TRIP12: variants seen among roughly 807,000 people sequenced by gnomAD.
The protein encoded by TRIP12 is E3 ubiquitin-protein ligase TRIP12.
A neutral mutation model predicts 244.2 loss-of-function variants in TRIP12; 25 were observed. The ratio of observed to expected loss-of-function variants is 0.10; its 90% CI spans 0.07 to 0.14. The LOEUF (loss-of-function observed/expected upper bound fraction) is 0.14. TRIP12 is among the 10% of genes least tolerant of loss of function. The pLI is 1.00. For missense variants in TRIP12, 1,677 were observed against 2,486.4 expected (o/e 0.67, Z 6.92); for synonymous variants, 905 against 873.1 (o/e 1.04, Z -0.64).
In TRIP12 at chr2:229,859,099, T is replaced by C. The variant is rs1167776833; in HGVS notation, c.700A>G (p.Thr234Ala). 1 of 1,614,224 alleles carries C rather than the reference T, an allele frequency of 6.2e-7. No homozygotes were observed. The highest frequency in any genetic ancestry group is 1.1e-5 in the South Asian group (1 of 91,090). The change falls in exon 4 of 42, where the codon ACC becomes GCC. Residue 234 changes from threonine to alanine, a missense_variant. Thr to Ala is a moderately conservative substitution (Grantham distance 58). Coordinates refer to ENST00000675903, the MANE Select transcript of TRIP12 (RefSeq NM_001348323.3). ...SATSAKAGCS[T>A]ITDSSSAAST... is the part of the protein sequence containing the mutation. Reference sequence around the variant, plus strand: ...GCAGCAGAAGAAGAATCAGTGATGGTGCTACACCCAGCTTTGGCTGAGGTG... The same window carrying C: ...GCAGCAGAAGAAGAATCAGTGATGGCGCTACACCCAGCTTTGGCTGAGGTG...
intron 1 of TRIP12, 107 bp from the exon 2 acceptor site, chr2:229,880,235 AT>A: frequency 2.9e-6 from 2 of 679,514 alleles, no homozygotes; most frequent in Non-Finnish European, 4.9e-6. Context: ...AAACTATCTG[AT>A]TTTACAGCCT....
chr2:229,765,282 G>C lies in TRIP12; in HGVS notation c.*2272C>G, dbSNP rs1574610889. The stretch of plus-strand genomic sequence containing the variant: ...GTATACTAAGAAGTTAGTGCTCGTT[G>C]ATAGGATTACCAAGCAAATGAATTT... On this transcript the variant is annotated 3_prime_UTR_variant, in exon 42 of 42. Coordinates refer to ENST00000675903, the MANE Select transcript of TRIP12 (RefSeq NM_001348323.3). 1 of 152,180 alleles carries C rather than the reference G, an allele frequency of 6.6e-6. No individual in the cohort carries two copies. Among genetic ancestry groups the C allele is most frequent in the South Asian group, 2.1e-4 (1 of 4,836 alleles). The allele number at this position is 152,180 out of a possible 1,614,324, so 9.4% of individuals were successfully genotyped here.
intron 1 of TRIP12, chr2:229,894,508 T>C (rs1287498055): frequency 6.6e-6 from 1 of 152,064 alleles, no homozygotes; most frequent in Non-Finnish European, 1.5e-5. Flanking sequence ...ACTTTCATGA[T>C]GAAGATGACC....
At chr2:229,846,014 C>T (rs372887250) in intron 4 of TRIP12, among the ~76,000 whole-genome samples, 161 of 117,346 alleles carry the variant, frequency 1.4e-3, no homozygotes, top group South Asian at 2.3e-3. Context: ...CTCTTTTTTT[C>T]AAAAAAAAAA....
At chr2:229,790,619 G>A (rs970893811) in intron 30 of TRIP12, among the ~76,000 whole-genome samples, 14 of 152,110 alleles carry the variant, frequency 9.2e-5, no homozygotes, top group African/African-American at 3.4e-4. Context: ...AAGGGAAGAC[G>A]TGGGGGAAGA....
chr2:229,851,394 A>G (rs1192425124), intron 4 of TRIP12, among the ~76,000 whole-genome samples: 4 of 152,040 alleles, frequency 2.6e-5, no homozygotes, highest in East Asian at 3.9e-4. Context: ...TGGTGGGGAC[A>G]TGGAGAACCT....
rs747703619 is a variant in TRIP12 at position 229,815,245 on chromosome 2, C to A, written c.1635+28G>T. 1.4e-4 allele frequency: 212 copies of A among 1,541,012 alleles called. No homozygotes were observed. In the Middle Eastern group the frequency reaches 2.2e-3, roughly 16 times the overall value. ...TAAAAACTCAAAACTTAAATATACA[C>A]CATTAAAAAAATACAATATATACTT... On this transcript the variant is annotated intron_variant, in intron 10 of 41. Transcript: ENST00000675903.
intron 1 of TRIP12, among the ~76,000 whole-genome samples, chr2:229,914,135 G>T (rs757928828): frequency 2.0e-5 from 3 of 152,144 alleles, no homozygotes; most frequent in African/African-American, 7.2e-5. Context: ...GGAGGTGGAG[G>T]TGGAGGCTGC....
intron 38 of TRIP12, 60 bp downstream of exon 38, chr2:229,774,037 A>C (rs1412395898): frequency 6.4e-7 from 1 of 1,556,558 alleles, no homozygotes; most frequent in Non-Finnish European, 8.7e-7. Context: ...AGCAAGGTAC[A>C]ATCAGGCAAA....
At chr2:229,918,868 T>C (rs543831561) in intron 1 of TRIP12, among the ~76,000 whole-genome samples, 1 of 152,062 alleles carries the variant, frequency 6.6e-6, no homozygotes, top group Admixed American at 6.6e-5. Flanking sequence ...TAGCATGTTG[T>C]TTTTTTTCAG....
rs143921069 is a variant in TRIP12 at position 229,820,613 on chromosome 2, T to C, written c.1451-2101A>G. 5.8e-3 allele frequency among the ~76,000 whole-genome samples: 888 copies of C among 152,270 alleles called. 7 individuals are homozygous for C. The highest frequency in any genetic ancestry group is 0.02 in the African/African-American group (811 of 41,558). ...TCATTATATATTAATATAAATAATTTTGATTTTAAAAGACCTTATTTTCCA... is the reference window on the plus strand; with the variant it reads ...TCATTATATATTAATATAAATAATTCTGATTTTAAAAGACCTTATTTTCCA... On this transcript the variant is annotated intron_variant, in intron 8 of 41. Transcript: ENST00000675903.
chr2:229,776,869 T>C (rs1394417780), intron 37 of TRIP12, among the ~76,000 whole-genome samples: 1 of 152,162 alleles, frequency 6.6e-6, no homozygotes, highest in Non-Finnish European at 1.5e-5. Context: ...TCAAAATGTA[T>C]TACCAAGGAA....
chr2:229,920,957 T>C (rs1036756833), intron 1 of TRIP12, among the ~76,000 whole-genome samples: 1 of 152,174 alleles, frequency 6.6e-6, no homozygotes, highest in African/African-American at 2.4e-5. Flanking sequence ...GTAATCCACA[T>C]ATAAATAAAT....
At chr2:229,886,845 C>T (rs1489081864) in intron 1 of TRIP12, among the ~76,000 whole-genome samples, 1 of 152,130 alleles carries the variant, frequency 6.6e-6, no homozygotes, top group Non-Finnish European at 1.5e-5. Flanking sequence ...TTAAGTTGAA[C>T]AGTAAAGTAT....
At chr2:229,867,675 T>A (rs917069352) in intron 2 of TRIP12, among the ~76,000 whole-genome samples, 3 of 152,202 alleles carry the variant, frequency 2.0e-5, no homozygotes, top group South Asian at 2.1e-4. Flanking sequence ...TAAGAAGGCA[T>A]TCCAAGACTG....
At chr2:229,779,996 C>A (rs374565523) in intron 34 of TRIP12, among the ~76,000 whole-genome samples, 1 of 152,338 alleles carries the variant, frequency 6.6e-6, no homozygotes, top group East Asian at 1.9e-4. Context: ...AAGAAGGCAA[C>A]ATTTATAGAT....
rs1218339935 is a variant in TRIP12, at chr2:229,807,843, T to C, written c.2361A>G (p.Pro787=). 1.9e-6 allele frequency: 3 copies of C among 1,613,974 alleles called. No homozygotes were observed. The highest frequency in any genetic ancestry group is 2.5e-6 in the Non-Finnish European group (3 of 1,179,906). The change falls in exon 17 of 42, where the codon CCA becomes CCG. Residue 787 remains proline, a synonymous_variant. Transcript: ENST00000675903. ...SLICELMPCL[P]KEGIFAVDTM... ...TATCAACTGCAAAAATGCCTTCTTT[T>C]GGTAAACATGGCATAAGTTCACTGA...
Position 229,796,631 on chromosome 2 carries a change from A to C in TRIP12, c.3776T>G (p.Ile1259Ser), listed in dbSNP as rs778549282. Residue 1259 changes from isoleucine to serine, a missense_variant, in exon 25 of 42, where the codon ATC becomes AGC. By Grantham distance (142) the Ile-to-Ser change is moderately radical. Coordinates refer to ENST00000675903, the MANE Select transcript of TRIP12 (RefSeq NM_001348323.3). Reference protein sequence around the residue: ...KSEKDAVSREIRLKRFLHVFF... With the variant: ...KSEKDAVSRESRLKRFLHVFF... The stretch of plus-strand genomic sequence containing the variant: ...TACATGAAGAAATCGCTTTAATCTG[A>C]TCTCTCTGCTCACAGCATCCTTTTC... 1 of 1,607,014 alleles carries C rather than the reference A, an allele frequency of 6.2e-7. No individual in the cohort carries two copies. Among genetic ancestry groups the C allele is most frequent in the Non-Finnish European group, 8.5e-7 (1 of 1,178,362 alleles).
At chr2:229,792,256 T>G (rs781426996) in intron 27 of TRIP12, 30 bp from the exon 28 acceptor site, 4 of 1,601,706 alleles carry the variant, frequency 2.5e-6, no homozygotes, top group Non-Finnish European at 3.4e-6. Flanking sequence ...TTTAAACTCT[T>G]AGCGATTTTA....
Sources: allele counts gnomAD v4.1 joint callset (sites outside exome capture counted in the v4.1 genomes callset), GRCh38; gene constraint gnomAD v4.1.1; transcripts MANE v1.5; gene names NCBI Gene and HGNC (gene_info 2026-07-23, HGNC 2026-07-21).